Variants in PRKD1 observed in about 807,000 individuals in gnomAD.
PRKD1 encodes the protein serine/threonine-protein kinase D1.
In PRKD1, 63 loss-of-function variants were observed where a neutral mutation model predicts 95.9. The ratio of observed to expected loss-of-function variants is 0.66; its 90% CI spans 0.54 to 0.81. The LOEUF (loss-of-function observed/expected upper bound fraction) is 0.81. PRKD1 is among the 30% of genes least tolerant of loss of function. The probability of loss-of-function intolerance (pLI) is 0.00; values close to 1 mark genes in which losing one functional copy is unlikely to be tolerated. For synonymous variants in PRKD1, 425 were observed against 423.1 expected, an observed-to-expected ratio of 1.00 and a Z score of -0.05; for missense variants, 1,048 against 1,165.3, an observed-to-expected ratio of 0.90 and a Z score of 1.47.
At chr14:29,812,269 A>G (rs1411407092) in intron 1 of PRKD1, among the ~76,000 whole-genome samples, 1 of 152,228 alleles carries the variant, frequency 6.6e-6, no homozygotes, top group Non-Finnish European at 1.5e-5. Flanking sequence ...AAAAGGACAC[A>G]TACAACATAC....
chr14:29,862,173 C>A (rs1300543442), intron 1 of PRKD1, among the ~76,000 whole-genome samples: 1 of 152,156 alleles, frequency 6.6e-6, no homozygotes, highest in Non-Finnish European at 1.5e-5. Context: ...AACATAATGA[C>A]CACCAGTTCC....
At chr14:29,853,206 A>C (rs1892373670) in intron 1 of PRKD1, among the ~76,000 whole-genome samples, 1 of 152,232 alleles carries the variant, frequency 6.6e-6, no homozygotes, top group Non-Finnish European at 1.5e-5. Flanking sequence ...ATGTTCATAC[A>C]CCTAATAATA....
intron 16 of PRKD1, among the ~76,000 whole-genome samples, chr14:29,586,978 T>C (rs142281189): frequency 5.7e-4 from 86 of 152,202 alleles, no homozygotes; most frequent in African/African-American, 2.0e-3. Flanking sequence ...GTCCTGAGGG[T>C]TGACTATAAG....
chr14:29,664,671 T>C (rs772754701), intron 3 of PRKD1, among the ~76,000 whole-genome samples: 26 of 152,214 alleles, frequency 1.7e-4, no homozygotes, highest in Admixed American at 5.2e-4. Context: ...TGCTCAGTTA[T>C]ATTTGTCAAA....
rs576444628 is a variant in PRKD1, at chr14:29,650,150, G to C, written c.697-11246C>G. Among the ~76,000 whole-genome samples the C allele has an allele frequency of 2.0e-5, 3 of 152,260 alleles. No individual in the cohort carries two copies. In the South Asian group the frequency reaches 6.2e-4, roughly 32 times the overall value. On this transcript the variant is annotated intron_variant, in intron 4 of 17. Transcript: ENST00000331968. ...ACTTAGCGAGCCACTCTCGTGTCCT[G>C]TCTCTGTTGGGGTGTGAGTTTCATT... is the stretch of plus-strand genomic sequence containing the variant.
At chr14:29,676,176 C>CTTTTTTTTTTTTT (rs1566532166) in intron 2 of PRKD1, among the ~76,000 whole-genome samples, 7 of 62,238 alleles carry the variant, frequency 1.1e-4, no homozygotes, top group African/African-American at 5.5e-4. Flanking sequence ...TAGTTCATTA[C>CTTTTTTTTTTTTT]GTTTTTGTTT....
At position 29,690,501 on chromosome 14, in the gene PRKD1, GCTTA is replaced by G. The variant is rs1367047707; in HGVS notation, c.404-24297_404-24294del. The stretch of plus-strand genomic sequence containing the variant: ...CCTAAAACTCCTACTTTTCAAATCG[GCTTA>G]CTTTTCTCCAACTCTGCTTCTGTGA... On this transcript the variant is annotated intron_variant, in intron 2 of 17. Coordinates refer to ENST00000331968, the MANE Select transcript of PRKD1 (RefSeq NM_002742.3). 2.6e-5 allele frequency among the ~76,000 whole-genome samples: 4 copies of G among 151,978 alleles called. No homozygotes were observed. The South Asian group carries it at 8.3e-4, about 32-fold the overall frequency.
intron 2 of PRKD1, among the ~76,000 whole-genome samples, chr14:29,706,391 T>C (rs1339611479): frequency 6.6e-6 from 1 of 152,254 alleles, no homozygotes; most frequent in South Asian, 2.1e-4. Context: ...TCTTGTTAGA[T>C]GCTGTTAAAA....
At chr14:29,744,500 T>G (rs765119865) in intron 1 of PRKD1, among the ~76,000 whole-genome samples, 2 of 152,096 alleles carry the variant, frequency 1.3e-5, no homozygotes, top group Non-Finnish European at 2.9e-5. Context: ...CCCCTACTCT[T>G]GCCCCCAGCA....
intron 4 of PRKD1, among the ~76,000 whole-genome samples, chr14:29,647,582 T>C (rs1881206803): frequency 6.6e-6 from 1 of 152,212 alleles, no homozygotes; most frequent in African/African-American, 2.4e-5. Context: ...CCTGGGTTTA[T>C]GGTCTCACTG....
At chr14:29,698,490 C>T (rs972912722) in intron 2 of PRKD1, among the ~76,000 whole-genome samples, 8 of 152,138 alleles carry the variant, frequency 5.3e-5, no homozygotes, top group Non-Finnish European at 8.8e-5. Context: ...TTAATTTCTG[C>T]TTTCCAGTTT....
At chr14:29,843,368 G>A (rs1330639205) in intron 1 of PRKD1, among the ~76,000 whole-genome samples, 1 of 152,074 alleles carries the variant, frequency 6.6e-6, no homozygotes, top group Non-Finnish European at 1.5e-5. Flanking sequence ...CCCATTCTGT[G>A]GGACTTTTTT....
chr14:29,903,219 C>T (rs1404768336), intron 1 of PRKD1, among the ~76,000 whole-genome samples: 1 of 152,186 alleles, frequency 6.6e-6, no homozygotes, highest in African/African-American at 2.4e-5. Flanking sequence ...ATTGGCCTTC[C>T]CTAAGACCTC....
At position 29,599,041 on chromosome 14, in the gene PRKD1, C is replaced by A; in HGVS notation, c.2152G>T (p.Asp718Tyr). Residue 718 changes from aspartate (D) to tyrosine (Y), a missense_variant, in exon 15 of 18, where the codon GAT becomes TAT. Transcript: ENST00000331968. The part of the protein sequence containing the change: ...KPENVLLASA[D>Y]PFPQVKLCDF... ...TTTATACTTGCCTGAGGAAAAGGAT[C>A]AGCTGAGGCTAGCAACACATTTTCT... The A allele has an allele frequency of 6.2e-7, 1 of 1,613,164 alleles. No homozygotes were observed. Among genetic ancestry groups the A allele is most frequent in the South Asian group, 1.1e-5 (1 of 91,014 alleles).
chr14:29,902,663 A>T (rs1157278166), intron 1 of PRKD1, among the ~76,000 whole-genome samples: 2 of 152,248 alleles, frequency 1.3e-5, no homozygotes, highest in Non-Finnish European at 2.9e-5. Flanking sequence ...AATAAGTCTA[A>T]GTAATTCAAA....
chr14:29,811,396 C>G (rs1890477772), intron 1 of PRKD1, among the ~76,000 whole-genome samples: 1 of 152,196 alleles, frequency 6.6e-6, no homozygotes, highest in Non-Finnish European at 1.5e-5. Context: ...GTGAGCTGGA[C>G]ATCTCCCTTC....
chr14:29,921,058 C>T (rs74040636), intron 1 of PRKD1, among the ~76,000 whole-genome samples: 7,124 of 152,188 alleles, frequency 0.047, 179 homozygotes, highest in South Asian at 0.093. Context: ...AAATGTTGCA[C>T]CTTTATCTAT....
chr14:29,664,148 A>C (rs1206688009), intron 3 of PRKD1, among the ~76,000 whole-genome samples: 1 of 152,136 alleles, frequency 6.6e-6, no homozygotes, highest in Non-Finnish European at 1.5e-5. Flanking sequence ...ATTAACTCAA[A>C]TTAGATAATC....
intron 1 of PRKD1, among the ~76,000 whole-genome samples, chr14:29,738,758 TTTCCTTCC>T (rs141407844): frequency 3.1e-4 from 47 of 151,202 alleles, no homozygotes; most frequent in African/African-American, 1.1e-3. Flanking sequence ...TCTTTCTTTC[TTTCCTTCC>T]TTCCTTCCTT....
Sources: allele counts gnomAD v4.1 joint callset (sites outside exome capture counted in the v4.1 genomes callset), GRCh38; gene constraint gnomAD v4.1.1; transcripts MANE v1.5; gene names NCBI Gene and HGNC (gene_info 2026-07-23, HGNC 2026-07-21).